ADAM17: variants seen among roughly 807,000 people sequenced by gnomAD.
ADAM17 encodes ADAM metallopeptidase domain 17, also known as disintegrin and metalloproteinase domain-containing protein 17.
In ADAM17, 39 loss-of-function variants were observed where a neutral mutation model predicts 96.7. The ratio of observed to expected loss-of-function variants is 0.40; its 90% CI spans 0.31 to 0.53. The LOEUF is 0.53. Among genes scored for constraint, ADAM17 ranks in the 20% least tolerant of loss-of-function variants. The pLI, the probability that ADAM17 is intolerant of heterozygous loss-of-function variation, is 0.44. For synonymous variants in ADAM17, 344 were observed against 359.2 expected (o/e 0.96, Z 0.48); for missense variants, 777 against 1,013.2 (o/e 0.77, Z 3.17).
intron 10 of ADAM17, among the ~76,000 whole-genome samples, chr2:9,515,733 T>A (rs1664020283): frequency 1.7e-5 from 1 of 59,170 alleles, no homozygotes; most frequent in African/African-American, 8.7e-5. Context: ...AAACTCCGTC[T>A]CCAAAAAAAA....
At chr2:9,496,097 GTTCT>G (rs1253672361) in intron 14 of ADAM17, among the ~76,000 whole-genome samples, 5 of 151,850 alleles carry the variant, frequency 3.3e-5, no homozygotes, top group Admixed American at 1.3e-4. Flanking sequence ...TAACTACCGG[GTTCT>G]TTGTCTTTTA....
intron 10 of ADAM17, among the ~76,000 whole-genome samples, chr2:9,514,010 C>CAAAA (rs565362289): frequency 1.0e-5 from 1 of 100,010 alleles, no homozygotes; most frequent in Admixed American, 1.1e-4. Context: ...AACTCCATCT[C>CAAAA]AAAAAAAAAA....
chr2:9,550,406 A>G (rs1463705285), intron 1 of ADAM17, among the ~76,000 whole-genome samples: 2 of 148,568 alleles, frequency 1.3e-5, no homozygotes, highest in Non-Finnish European at 1.5e-5. Context: ...AGCCCTGCCT[A>G]GTCCTAGGCT....
At chr2:9,530,508 T>C (rs1411412759) in intron 4 of ADAM17, among the ~76,000 whole-genome samples, 1 of 152,206 alleles carries the variant, frequency 6.6e-6, no homozygotes, top group Non-Finnish European at 1.5e-5. Context: ...GTGGTTGTTA[T>C]TAATAAAAGC....
chr2:9,550,439 C>CTTTTT (rs35602755), intron 1 of ADAM17, among the ~76,000 whole-genome samples: 51 of 74,152 alleles, frequency 6.9e-4, no homozygotes, highest in East Asian at 1.5e-3. Flanking sequence ...GATACTCATT[C>CTTTTT]TTTTTTTTTT....
intron 6 of ADAM17, among the ~76,000 whole-genome samples, chr2:9,524,621 C>T (rs1361415681): frequency 6.6e-6 from 1 of 152,126 alleles, no homozygotes; most frequent in Admixed American, 6.6e-5. Flanking sequence ...TGGTGAGTAC[C>T]TCGAATGTCT....
At chr2:9,540,450 G>A (rs955024582) in intron 2 of ADAM17, among the ~76,000 whole-genome samples, 1 of 151,678 alleles carries the variant, frequency 6.6e-6, no homozygotes, top group Non-Finnish European at 1.5e-5. Context: ...TAAAATGCCA[G>A]TAAATTACAG....
chr2:9,547,838 C>T (rs1665452787), intron 1 of ADAM17, among the ~76,000 whole-genome samples: 1 of 151,946 alleles, frequency 6.6e-6, no homozygotes, highest in South Asian at 2.1e-4. Context: ...TCGCTTGAGC[C>T]CCAGGAGTTC....
intron 1 of ADAM17, among the ~76,000 whole-genome samples, chr2:9,553,200 C>CA (rs1479753462): frequency 2.6e-5 from 4 of 152,158 alleles, no homozygotes; most frequent in Non-Finnish European, 5.9e-5. Context: ...CTCTAAGATT[C>CA]ATTTGGTGAT....
rs372074887 is a variant in ADAM17 at position 9,553,673 on chromosome 2, C to G, written c.97+1836G>C. On this transcript the variant is annotated intron_variant, in intron 1 of 18. Transcript: ENST00000310823. ...CTGGGCAACAAGAGCAAAACACTGCCTCAAAAAAAAAAAAAAAGAAAGAAA... is the reference window on the plus strand; with the variant it reads ...CTGGGCAACAAGAGCAAAACACTGCGTCAAAAAAAAAAAAAAAGAAAGAAA... Among the ~76,000 whole-genome samples the G allele has an allele frequency of 2.5e-3, 169 of 67,004 alleles. 1 individual carries two copies. Among genetic ancestry groups the G allele is most frequent in the African/African-American group, 0.01 (153 of 14,766 alleles). 44.0% of individuals were successfully genotyped at this position (67,004 alleles called of 152,430 possible).
chr2:9,539,977 T>C (rs532232236), intron 2 of ADAM17, among the ~76,000 whole-genome samples: 5 of 152,180 alleles, frequency 3.3e-5, no homozygotes, highest in Non-Finnish European at 7.3e-5. Flanking sequence ...ATATTTAGTA[T>C]GGAAACTTTG....
chr2:9,493,352 T>C (rs957758621), intron 16 of ADAM17, among the ~76,000 whole-genome samples: 2 of 152,206 alleles, frequency 1.3e-5, no homozygotes, highest in African/African-American at 2.4e-5. Context: ...CAACATGATA[T>C]ACCCTGCTTC....
Position 9,555,827 on chromosome 2 carries a change from C to T in ADAM17, c.-222G>A, listed in dbSNP as rs1223766447. 7.0e-6 allele frequency: 3 copies of T among 427,944 alleles called. No individual in the cohort carries two copies. The highest frequency in any genetic ancestry group is 4.1e-5 in the African/African-American group (2 of 48,800). The allele number at this position is 427,944 out of a possible 1,614,324, so 26.5% of individuals were successfully genotyped here. ...GCCGGCTCAGCCAGCTTCCGGCCGC[C>T]GCTGTCCCCCGCACCACCCACAGCC... On this transcript the variant is annotated 5_prime_UTR_variant, in exon 1 of 19. Coordinates refer to ENST00000310823, the MANE Select transcript of ADAM17 (RefSeq NM_003183.6).
At chr2:9,540,062 T>TA (rs1212792232) in intron 2 of ADAM17, among the ~76,000 whole-genome samples, 1 of 152,214 alleles carries the variant, frequency 6.6e-6, no homozygotes, top group African/African-American at 2.4e-5. Context: ...AATATTTTCT[T>TA]AGGGAATCAA....
At chr2:9,499,947 A>G (rs1662901809) in intron 13 of ADAM17, among the ~76,000 whole-genome samples, 1 of 152,234 alleles carries the variant, frequency 6.6e-6, no homozygotes, top group African/African-American at 2.4e-5. Context: ...GGACCCTCAT[A>G]CAATGCTGCT....
chr2:9,521,271 GC>G lies in ADAM17; in HGVS notation c.888del (p.Lys296AsnfsTer19), dbSNP rs1440889051. On this transcript the variant is annotated frameshift_variant, in exon 8 of 19. Transcript: ENST00000310823. LOFTEE classifies it high-confidence loss of function. ...GGGTAACTTTTTGCCATGTTGTAGT[GC>G]TTTTCACCAGGTTTTACCTCTTGTG... ...KSPQEVKPGE[K>X]HYNMAKSYPN... is the part of the protein sequence containing the mutation. 1 of 1,612,400 alleles carries G rather than the reference GC, an allele frequency of 6.2e-7. No individual in the cohort carries two copies. The highest frequency in any genetic ancestry group is 8.5e-7 in the Non-Finnish European group (1 of 1,178,730).
Position 9,497,115 on chromosome 2 carries a change from A to G in ADAM17, c.1782T>C (p.Asn594=). ...TGGACTGGGAATAAAACTGCTCACC[A>G]TTACATGCACAGGACTCCAGCTGCT... ...REQQLESCAC[N]ETDNSCKVCC... The change falls in exon 14 of 19, where the codon AAT becomes AAC. Residue 594 remains asparagine, a splice_region_variant and synonymous_variant. Transcript: ENST00000310823. The G allele has an allele frequency of 6.2e-7, 1 of 1,613,764 alleles. No homozygotes were observed. The highest frequency in any genetic ancestry group is 8.5e-7 in the Non-Finnish European group (1 of 1,179,820).
At chr2:9,493,032 A>G (rs770546623) in intron 16 of ADAM17, 46 bp from the exon 17 acceptor site, 9 of 1,469,764 alleles carry the variant, frequency 6.1e-6, no homozygotes, top group Non-Finnish European at 8.4e-6. Flanking sequence ...AGTACTTCAC[A>G]AATCTAAAGT....
intron 4 of ADAM17, 25 bp from the exon 5 acceptor site, chr2:9,527,979 G>A: frequency 7.2e-7 from 1 of 1,395,500 alleles, no homozygotes; most frequent in Non-Finnish European, 9.5e-7. Context: ...ATATACGACT[G>A]AGATGGAAAA....
Sources: allele counts gnomAD v4.1 joint callset (sites outside exome capture counted in the v4.1 genomes callset), GRCh38; gene constraint gnomAD v4.1.1; transcripts MANE v1.5; gene names NCBI Gene and HGNC (gene_info 2026-07-23, HGNC 2026-07-21).